Variants in UPF3A observed in about 807,000 individuals in gnomAD.
UPF3A encodes the protein UPF3A regulator of nonsense mediated mRNA decay, also known as regulator of nonsense transcripts 3A.
Under a neutral mutation model 53.5 loss-of-function variants are expected in UPF3A, and 42 were observed. The observed-to-expected ratio is 0.78, with a 90% CI of 0.61 to 1.01. The LOEUF (loss-of-function observed/expected upper bound fraction) is 1.01, where lower values mean the gene tolerates loss of function less well. Among genes scored for constraint, UPF3A ranks in the 50% least tolerant of loss-of-function variants. The pLI is 0.00. For missense variants in UPF3A, 575 were observed against 598.0 expected (o/e 0.96, Z 0.40); for synonymous variants, 237 against 225.3 (o/e 1.05, Z -0.47).
intron 2 of UPF3A, 184 bp downstream of exon 2, chr13:114,282,311 A>T (rs1594742425): frequency 1.2e-6 from 1 of 849,646 alleles, no homozygotes; most frequent in East Asian, 3.0e-5. Flanking sequence ...CAACAAAGAA[A>T]CACAGATGTG....
At chr13:114,295,051 G>T (rs926973343) in intron 7 of UPF3A, among the ~76,000 whole-genome samples, 7 of 149,996 alleles carry the variant, frequency 4.7e-5, no homozygotes, top group African/African-American at 1.2e-4. Flanking sequence ...GGCGGAGCTT[G>T]CAGTGAGCCA....
chr13:114,287,777 A>G (rs1037691339), intron 5 of UPF3A, among the ~76,000 whole-genome samples: 2 of 151,792 alleles, frequency 1.3e-5, no homozygotes, highest in African/African-American at 2.4e-5. Flanking sequence ...AAAGATTAAT[A>G]TTACTGAAAT....
At chr13:114,286,212 C>G (rs1309155329) in intron 3 of UPF3A, 90 bp from the exon 4 acceptor site, 4 of 1,523,658 alleles carry the variant, frequency 2.6e-6, no homozygotes, top group Non-Finnish European at 3.6e-6. Context: ...CGTTGTTACA[C>G]TTACTCTTTA....
In UPF3A at chr13:114,286,245, C is replaced by T. The variant is rs144552748; in HGVS notation, c.422-57C>T. On this transcript the variant is annotated intron_variant, in intron 3 of 9. Transcript: ENST00000375299. The stretch of plus-strand genomic sequence containing the variant: ...TTAAGTAAGTTAGGTCATTATTTTC[C>T]GAAATGAATGTAGTAGAATTTCAGA... The T allele has an allele frequency of 5.5e-4, 881 of 1,598,016 alleles. 2 individuals carry two copies. In the African/African-American group the frequency reaches 0.01, roughly 18 times the overall value.
rs1422165082 is a variant in UPF3A, at chr13:114,305,321, C to T, written c.*404C>T. The T allele has an allele frequency of 1.9e-5, 5 of 262,524 alleles. No homozygotes were observed. Among genetic ancestry groups the T allele is most frequent in the East Asian group, 2.1e-4 (2 of 9,648 alleles). 16.3% of individuals were successfully genotyped at this position (262,524 alleles called of 1,614,324 possible). ...GTAAGCAGAGGAGCTGTCAGTCACT[C>T]GTGCTTCTCGGTGGCCTCTGAGCCA... On this transcript the variant is annotated 3_prime_UTR_variant, in exon 10 of 10. Coordinates refer to ENST00000375299, the MANE Select transcript of UPF3A (RefSeq NM_023011.4).
intron 8 of UPF3A, among the ~76,000 whole-genome samples, chr13:114,300,135 T>C (rs1210182546): frequency 6.6e-6 from 1 of 152,212 alleles, no homozygotes; most frequent in Non-Finnish European, 1.5e-5. Context: ...CAGATCCTTA[T>C]GGTCCCCAAC....
chr13:114,295,798 T>C (rs2085924090), intron 7 of UPF3A, among the ~76,000 whole-genome samples: 2 of 152,204 alleles, frequency 1.3e-5, no homozygotes, highest in Non-Finnish European at 2.9e-5. Context: ...AGCCATTCCC[T>C]AGTGCCTAGC....
At chr13:114,299,478 T>C (rs2086383243) in intron 8 of UPF3A, among the ~76,000 whole-genome samples, 2 of 152,262 alleles carry the variant, frequency 1.3e-5, no homozygotes, top group African/African-American at 4.8e-5. Flanking sequence ...AACAGAATTT[T>C]AAGTGCTGTG....
intron 7 of UPF3A, among the ~76,000 whole-genome samples, chr13:114,298,419 C>T (rs557664105): frequency 6.6e-6 from 1 of 151,308 alleles, no homozygotes; most frequent in South Asian, 2.1e-4. Flanking sequence ...GCATGCCTGT[C>T]GTCCCAGCTA....
intron 8 of UPF3A, 127 bp from the exon 9 acceptor site, chr13:114,301,603 GC>G (rs1484925924): frequency 2.5e-6 from 2 of 808,732 alleles, no homozygotes; most frequent in African/African-American, 3.5e-5. Context: ...TCGCAGTGCA[GC>G]CTCAGCAGTG....
At chr13:114,290,373 G>A (rs984155246) in intron 5 of UPF3A, among the ~76,000 whole-genome samples, 1 of 152,122 alleles carries the variant, frequency 6.6e-6, no homozygotes, top group Non-Finnish European at 1.5e-5. Context: ...TTCATTCCTG[G>A]TCCTCAGAAT....
At chr13:114,299,070 G>GTA in intron 8 of UPF3A, 70 bp downstream of exon 8, 1 of 1,417,598 alleles carries the variant, frequency 7.1e-7, no homozygotes, top group Non-Finnish European at 9.3e-7. Context: ...GTCAGTATGA[G>GTA]TATGCCTATT....
intron 7 of UPF3A, among the ~76,000 whole-genome samples, chr13:114,293,071 CAAAA>C (rs1164617444): frequency 8.1e-5 from 4 of 49,600 alleles, no homozygotes; most frequent in Non-Finnish European, 1.2e-4. Flanking sequence ...GACTCCCTCT[CAAAA>C]AAAAAAAAAA....
At chr13:114,299,073 T>G in intron 8 of UPF3A, 73 bp downstream of exon 8, 1 of 1,398,160 alleles carries the variant, frequency 7.2e-7, no homozygotes, top group Non-Finnish European at 9.4e-7. Flanking sequence ...AGTATGAGTA[T>G]GCCTATTTCA....
intron 8 of UPF3A, 116 bp from the exon 9 acceptor site, chr13:114,301,615 C>G: frequency 1.0e-6 from 1 of 956,714 alleles, no homozygotes; most frequent in Non-Finnish European, 1.6e-6. Flanking sequence ...CTCAGCAGTG[C>G]AGCGCTGAGC....
At chr13:114,282,482 T>G (rs2084198547) in intron 2 of UPF3A, 1 of 985,264 alleles carries the variant, frequency 1.0e-6, no homozygotes, top group South Asian at 4.7e-5. Flanking sequence ...TCCTGTGGCC[T>G]CCACGCTGGT....
intron 6 of UPF3A, 35 bp downstream of exon 6, chr13:114,291,579 T>G: frequency 6.2e-7 from 1 of 1,604,746 alleles, no homozygotes; most frequent in South Asian, 1.1e-5. Flanking sequence ...ACACCCTCCC[T>G]GCTTCTGCCA....
At chr13:114,300,862 A>G (rs1453855763) in intron 8 of UPF3A, among the ~76,000 whole-genome samples, 1 of 150,558 alleles carries the variant, frequency 6.6e-6, no homozygotes, top group Non-Finnish European at 1.5e-5. Context: ...TGTAGTAGAG[A>G]CAGGATTTCA....
intron 8 of UPF3A, among the ~76,000 whole-genome samples, chr13:114,300,034 C>A (rs576310078): frequency 6.6e-6 from 1 of 152,300 alleles, no homozygotes; most frequent in East Asian, 1.9e-4. Flanking sequence ...TTGTGAAGCA[C>A]TGTGATGATG....
Sources: allele counts gnomAD v4.1 joint callset (sites outside exome capture counted in the v4.1 genomes callset), GRCh38; gene constraint gnomAD v4.1.1; transcripts MANE v1.5; gene names NCBI Gene and HGNC (gene_info 2026-07-23, HGNC 2026-07-21).